Variants in NSUN6 observed in about 807,000 individuals in gnomAD.
The protein encoded by NSUN6 is tRNA (cytosine(72)-C(5))-methyltransferase NSUN6.
In NSUN6, 64 loss-of-function variants were observed where a neutral mutation model predicts 58.0. That is an observed-to-expected ratio of 1.10 (90% confidence interval 0.90 to 1.36). The LOEUF (loss-of-function observed/expected upper bound fraction) is 1.36, where lower values mean the gene tolerates loss of function less well. Among genes scored for constraint, NSUN6 ranks in the 40% most tolerant of loss-of-function variants. The probability of loss-of-function intolerance (pLI) is 0.00; values close to 1 mark genes in which losing one functional copy is unlikely to be tolerated. For missense variants in NSUN6, 701 were observed against 550.1 expected, an observed-to-expected ratio of 1.27 and a Z score of -2.74; for synonymous variants, 231 against 193.9, an observed-to-expected ratio of 1.19 and a Z score of -1.59.
intron 8 of NSUN6, among the ~76,000 whole-genome samples, chr10:18,564,780 CTCCATTCCATTCCATTCTG>C (rs1156416160): frequency 1.8e-5 from 1 of 56,904 alleles, no homozygotes; most frequent in African/African-American, 5.0e-5. Context: ...CCATTCCATT[CTCCATTCCATTCCATTCTG>C]CATTCCATTC....
At chr10:18,600,753 C>A (rs1018004012) in intron 6 of NSUN6, among the ~76,000 whole-genome samples, 4 of 151,206 alleles carry the variant, frequency 2.6e-5, no homozygotes, top group South Asian at 4.2e-4. Context: ...TATGGTGAAA[C>A]CCCACCTCTA....
chr10:18,594,061 G>T (rs1028928056), intron 7 of NSUN6, among the ~76,000 whole-genome samples: 1 of 151,842 alleles, frequency 6.6e-6, no homozygotes, highest in Non-Finnish European at 1.5e-5. Flanking sequence ...TTATTCGGGT[G>T]TGGTGGCATG....
chr10:18,615,406 T>G (rs1294526676), intron 4 of NSUN6, among the ~76,000 whole-genome samples: 1 of 152,362 alleles, frequency 6.6e-6, no homozygotes, highest in African/African-American at 2.4e-5. Context: ...GTTAAAATCA[T>G]GTAGATCAGA....
In NSUN6 at chr10:18,551,870, T is replaced by C. The variant is rs2054625508; in HGVS notation, c.1024A>G (p.Lys342Glu). 9 of 1,613,596 alleles carry C rather than the reference T, an allele frequency of 5.6e-6. No homozygotes were observed. Among genetic ancestry groups the C allele is most frequent in the Non-Finnish European group, 7.6e-6 (9 of 1,179,582 alleles). ...AATGGCTGATATGATGCCACTTCCT[T>C]CACAGACCAAGTACAGGCCATGTTT... is the stretch of plus-strand genomic sequence containing the variant. Reference protein sequence around the residue: ...RPNMACTWSVKEVASYQPLQR... With the variant: ...RPNMACTWSVEEVASYQPLQR... Residue 342 changes from lysine to glutamate, a missense_variant, in exon 9 of 11, where the codon AAG (lysine) becomes GAG (glutamate). Transcript: ENST00000377304.
At chr10:18,623,539 G>A (rs533330436) in intron 3 of NSUN6, among the ~76,000 whole-genome samples, 4 of 152,230 alleles carry the variant, frequency 2.6e-5, no homozygotes, top group African/African-American at 7.2e-5. Context: ...CTTAGGACCA[G>A]GACCACAGGC....
At chr10:18,652,379 C>T (rs1590212729), upstream of NSUN6, 2 of 983,762 alleles carry the variant, frequency 2.0e-6, no homozygotes, top group Non-Finnish European at 2.4e-6. Flanking sequence ...GTAATTTACA[C>T]ATAAGTATAG....
intron 5 of NSUN6, 31 bp from the exon 6 acceptor site, chr10:18,609,957 T>C (rs753154391): frequency 2.2e-5 from 28 of 1,283,668 alleles, no homozygotes; most frequent in Non-Finnish European, 3.1e-5. Flanking sequence ...CATTAGTCTG[T>C]ATAAATTCCA....
At chr10:18,631,343 C>G (rs2059023670) in intron 3 of NSUN6, among the ~76,000 whole-genome samples, 1 of 144,544 alleles carries the variant, frequency 6.9e-6, no homozygotes, top group African/African-American at 2.6e-5. Flanking sequence ...AAAACTGGCA[C>G]AAGACAGGGA....
At chr10:18,606,508 G>A (rs972241014) in intron 6 of NSUN6, among the ~76,000 whole-genome samples, 6 of 152,182 alleles carry the variant, frequency 3.9e-5, no homozygotes, top group African/African-American at 1.4e-4. Context: ...ACCAGTTGGA[G>A]TTTAGGGTAA....
At chr10:18,618,344 C>T (rs2058484358) in intron 3 of NSUN6, among the ~76,000 whole-genome samples, 1 of 152,064 alleles carries the variant, frequency 6.6e-6, no homozygotes, top group African/African-American at 2.4e-5. Flanking sequence ...TGATTATTGT[C>T]TTTCCCCCAT....
At chr10:18,641,668 C>T (rs1315966669) in intron 3 of NSUN6, among the ~76,000 whole-genome samples, 1 of 62,332 alleles carries the variant, frequency 1.6e-5, no homozygotes, top group East Asian at 1.5e-3. Context: ...GCCACCAGAT[C>T]CAGCCTGAAA....
intron 3 of NSUN6, among the ~76,000 whole-genome samples, chr10:18,629,932 C>A (rs2058966894): frequency 6.6e-6 from 1 of 150,462 alleles, no homozygotes; most frequent in Admixed American, 6.6e-5. Context: ...ACTCTCCACC[C>A]CAAATCAACA....
intron 8 of NSUN6, among the ~76,000 whole-genome samples, chr10:18,566,754 T>TATCG (rs1451713087): frequency 2.7e-5 from 4 of 150,876 alleles, no homozygotes; most frequent in African/African-American, 9.7e-5. Context: ...TTCCATTCGA[T>TATCG]GCTCCATTCG....
intron 2 of NSUN6, among the ~76,000 whole-genome samples, chr10:18,647,892 T>A (rs1334261946): frequency 2.0e-5 from 3 of 152,060 alleles, no homozygotes; most frequent in Non-Finnish European, 1.5e-5. Flanking sequence ...TGTGCCATCA[T>A]GCCCGAATAA....
At chr10:18,605,019 G>A (rs184048644) in intron 6 of NSUN6, among the ~76,000 whole-genome samples, 2 of 151,306 alleles carry the variant, frequency 1.3e-5, no homozygotes, top group East Asian at 4.0e-4. Flanking sequence ...CTGAGTAGCT[G>A]GGACTATAGG....
At chr10:18,572,091 T>G (rs569019404) in intron 8 of NSUN6, among the ~76,000 whole-genome samples, 1 of 151,312 alleles carries the variant, frequency 6.6e-6, no homozygotes, top group African/African-American at 2.4e-5. Flanking sequence ...TTCCCTTCTA[T>G]TCTCCATTTC....
At chr10:18,568,133 T>C (rs2056100059) in intron 8 of NSUN6, among the ~76,000 whole-genome samples, 1 of 151,336 alleles carries the variant, frequency 6.6e-6, no homozygotes. Context: ...TGCATTACAT[T>C]ACATTTCTCA....
chr10:18,641,703 T>G (rs753191920), intron 3 of NSUN6, among the ~76,000 whole-genome samples: 3 of 152,096 alleles, frequency 2.0e-5, no homozygotes, highest in Non-Finnish European at 4.4e-5. Flanking sequence ...TTCAAACATA[T>G]GCTTTCCAAA....
chr10:18,569,286 C>T (rs1310162345), intron 8 of NSUN6, among the ~76,000 whole-genome samples: 1 of 149,996 alleles, frequency 6.7e-6, no homozygotes, highest in Admixed American at 6.7e-5. Context: ...TTCTCCATAC[C>T]ATCCTCCATT....
Sources: allele counts gnomAD v4.1 joint callset (sites outside exome capture counted in the v4.1 genomes callset), GRCh38; gene constraint gnomAD v4.1.1; transcripts MANE v1.5; gene names NCBI Gene and HGNC (gene_info 2026-07-23, HGNC 2026-07-21).